The following SPRYD3 variants were observed in gnomAD, a reference collection of about 807,000 sequenced individuals.
SPRYD3 encodes the protein SPRY domain containing 3, also known as SPRY domain-containing protein 3.
A neutral mutation model predicts 50.1 loss-of-function variants in SPRYD3; 17 were observed. That is an observed-to-expected ratio of 0.34 (90% CI 0.23 to 0.51). The LOEUF is 0.51. Among genes scored for constraint, SPRYD3 ranks in the 20% least tolerant of loss-of-function variants. The pLI, the probability that SPRYD3 is intolerant of heterozygous loss-of-function variation, is 0.97. For synonymous variants in SPRYD3, 198 were observed against 215.5 expected (o/e 0.92, Z 0.71); for missense variants, 401 against 591.2 (o/e 0.68, Z 3.34).
Position 53,065,651 on chromosome 12 carries a change from C to T in SPRYD3, c.*181G>A, listed in dbSNP as rs1944497919. The T allele has an allele frequency of 7.9e-6, 5 of 635,970 alleles. No individual in the cohort carries two copies. The highest frequency in any genetic ancestry group is 2.8e-6 in the Non-Finnish European group (1 of 362,094). The allele number at this position is 635,970 out of a possible 1,614,324, so 39.4% of individuals were successfully genotyped here. On this transcript the variant is annotated 3_prime_UTR_variant, in exon 11 of 11. Transcript: ENST00000301463. ...CAGGCCCAGGGACTGACAACAGTGG[C>T]AGCACCAGGTCAGAAACGTGGGCAC... is the stretch of plus-strand genomic sequence containing the variant.
intron 2 of SPRYD3, 77 bp downstream of exon 2, chr12:53,077,038 A>G (rs1278143143): frequency 1.2e-5 from 18 of 1,464,398 alleles, no homozygotes; most frequent in Non-Finnish European, 2.8e-6. Context: ...AAAAAATAAA[A>G]GTTAAAAAAA....
intron 2 of SPRYD3, 37 bp from the exon 3 acceptor site, chr12:53,075,848 C>G (rs1944584142): frequency 2.5e-6 from 4 of 1,570,796 alleles, no homozygotes; most frequent in African/African-American, 2.7e-5. Context: ...CATTAGCAGC[C>G]TAGCCCAAGA....
chr12:53,078,349 C>T (rs948881610), intron 1 of SPRYD3, among the ~76,000 whole-genome samples: 1 of 151,594 alleles, frequency 6.6e-6, no homozygotes, highest in African/African-American at 2.4e-5. Flanking sequence ...ATTAGCCAGG[C>T]GTGGTGGTGC....
intron 2 of SPRYD3, among the ~76,000 whole-genome samples, 161 bp downstream of exon 2, chr12:53,076,954 A>G (rs572037065): frequency 6.6e-6 from 1 of 152,188 alleles, no homozygotes; most frequent in East Asian, 1.9e-4. Flanking sequence ...GTCTTAAAAA[A>G]AAAAAAGAAA....
At chr12:53,067,096 T>G (rs1592264115) in intron 8 of SPRYD3, among the ~76,000 whole-genome samples, 6 of 119,206 alleles carry the variant, frequency 5.0e-5, no homozygotes, top group Admixed American at 1.1e-4. Context: ...GGTGACAGAG[T>G]GAGACTCCAT....
chr12:53,065,927 CCTT>C lies in SPRYD3; in HGVS notation c.1231_1233del (p.Lys411del). The C allele has an allele frequency of 6.2e-7, 1 of 1,613,972 alleles. No individual in the cohort carries two copies. The highest frequency in any genetic ancestry group is 8.5e-7 in the Non-Finnish European group (1 of 1,179,884). On this transcript the variant is annotated inframe_deletion, in exon 11 of 11. Transcript: ENST00000301463. Reference sequence around the variant, plus strand: ...AAGCCTCCAGAAGGAACAACAGCATCCTTCTTCCCAATGATCTTGCCATTCCGA... The same window carrying C: ...AAGCCTCCAGAAGGAACAACAGCATCCTTCCCAATGATCTTGCCATTCCGA...
chr12:53,066,947 T>C (rs1261460575), intron 8 of SPRYD3, among the ~76,000 whole-genome samples: 3 of 151,952 alleles, frequency 2.0e-5, no homozygotes, highest in African/African-American at 7.3e-5. Flanking sequence ...ACATCTCTAC[T>C]AAAAATACAA....
In SPRYD3 at chr12:53,074,742, C is replaced by T; in HGVS notation, c.414G>A (p.Lys138=). The part of the protein sequence containing the change: ...GRAKGRQFGS[K]CNSGDRIGCG... ...AGCCAATCCGGTCCCCGGAGTTGCA[C>T]TTTGACCCAAACTGGCGGCCCTTGG... The change falls in exon 5 of 11, where the codon AAG becomes AAA. Residue 138 remains lysine (K), a synonymous_variant. Transcript: ENST00000301463. This position sits in a 1 kb window ranked among gnomAD's most constrained non-coding sequence, Gnocchi z 4.6. 1 of 1,614,288 alleles carries T rather than the reference C, an allele frequency of 6.2e-7. No individual in the cohort carries two copies. Among genetic ancestry groups the T allele is most frequent in the Non-Finnish European group, 8.5e-7 (1 of 1,180,054 alleles).
At chr12:53,067,750 CA>C (rs773307630) in intron 7 of SPRYD3, 45 bp from the exon 8 acceptor site, 1 of 1,571,902 alleles carries the variant, frequency 6.4e-7, no homozygotes, top group Non-Finnish European at 8.8e-7. Flanking sequence ...CATGCATAAA[CA>C]AGACAGGAGA....
At chr12:53,067,761 A>G in intron 7 of SPRYD3, 56 bp from the exon 8 acceptor site, 1 of 1,515,032 alleles carries the variant, frequency 6.6e-7, no homozygotes, top group African/African-American at 1.4e-5. Context: ...AAGACAGGAG[A>G]GAGTGGCGAG....
In SPRYD3 at chr12:53,077,170, C is replaced by T; in HGVS notation, c.115G>A (p.Ala39Thr). 1 of 1,614,222 alleles carries T rather than the reference C, an allele frequency of 6.2e-7. No individual in the cohort carries two copies. Among genetic ancestry groups the T allele is most frequent in the Non-Finnish European group, 8.5e-7 (1 of 1,180,040 alleles). Residue 39 changes from alanine (A) to threonine (T), a missense_variant, in exon 2 of 11, where the codon GCT becomes ACT. Coordinates refer to ENST00000301463, the MANE Select transcript of SPRYD3 (RefSeq NM_032840.3). ...TTGAACCTCTCCTGATATCGGAAAG[C>T]TCGGACCTCTCGAATCTCCCGGATC... ...RRIREIREVR[A>T]FRYQERFKHI...
intron 8 of SPRYD3, among the ~76,000 whole-genome samples, chr12:53,066,971 G>A (rs1209293166): frequency 6.6e-6 from 1 of 152,098 alleles, no homozygotes; most frequent in Non-Finnish European, 1.5e-5. Flanking sequence ...TTAGCTGGGC[G>A]TGGTGGCGCC....
rs1003329867 is a variant in SPRYD3, at chr12:53,075,654, A to G, written c.246+82T>C. The G allele has an allele frequency of 1.3e-5, 15 of 1,125,208 alleles. No individual in the cohort carries two copies. In the Admixed American group the frequency reaches 2.3e-4, roughly 17 times the overall value. The allele number at this position is 1,125,208 out of a possible 1,614,324, so 69.7% of individuals were successfully genotyped here. On this transcript the variant is annotated intron_variant, in intron 3 of 10. Transcript: ENST00000301463. ...GAAAATTAAAAGGCCCAGGTCATAC[A>G]TCTAGTAAAGGAGCTTCTTGGGGCT...
rs1054277201 is a variant in SPRYD3 at position 53,073,391 on chromosome 12, C to A, written c.588G>T (p.Arg196=). ...VGMHSLGEEV[R]LHLNAELGRE... is the part of the protein sequence containing the mutation. ...GGCCCAGCTCAGCGTTGAGGTGCAG[C>A]CGCACCTCCTCACCCAGGGAGTGCA... The change falls in exon 6 of 11, where the codon CGG becomes CGT. Residue 196 remains arginine, a synonymous_variant. Coordinates refer to ENST00000301463, the MANE Select transcript of SPRYD3 (RefSeq NM_032840.3). 18 of 1,585,398 alleles carry A rather than the reference C, an allele frequency of 1.1e-5. No homozygotes were observed. Among genetic ancestry groups the A allele is most frequent in the Admixed American group, 1.8e-5 (1 of 55,428 alleles).
At chr12:53,076,002 C>T (rs1289656053) in intron 2 of SPRYD3, among the ~76,000 whole-genome samples, 191 bp from the exon 3 acceptor site, 1 of 152,234 alleles carries the variant, frequency 6.6e-6, no homozygotes, top group African/African-American at 2.4e-5. Flanking sequence ...TCGCAGCCTC[C>T]AGCTGGAATC....
chr12:53,073,155 T>C (rs1453991826), intron 6 of SPRYD3, 131 bp downstream of exon 6: 6 of 605,936 alleles, frequency 9.9e-6, no homozygotes, highest in African/African-American at 3.7e-5. Flanking sequence ...GCCTAGGCTA[T>C]CTTGCCAAAC....
At chr12:53,073,661 G>A (rs988881897) in intron 5 of SPRYD3, among the ~76,000 whole-genome samples, 190 bp from the exon 6 acceptor site, 44 of 152,024 alleles carry the variant, frequency 2.9e-4, no homozygotes, top group African/African-American at 8.9e-4. Context: ...TGGCTAACAC[G>A]GTGAAACCCC....
At chr12:53,066,837 GC>G in intron 8 of SPRYD3, 145 bp from the exon 9 acceptor site, 1 of 1,087,660 alleles carries the variant, frequency 9.2e-7, no homozygotes, top group Admixed American at 3.0e-5. Flanking sequence ...GAGAGGCCGG[GC>G]GCGGTGGCTC....
chr12:53,073,260 C>CGGGGGGGGGGGGGGGGGGG, intron 6 of SPRYD3, 26 bp downstream of exon 6: 6 of 416,296 alleles, frequency 1.4e-5, no homozygotes, highest in Non-Finnish European at 1.8e-5. Flanking sequence ...GACCCAGCCC[C>CGGGGGGGGGGGGGGGGGGG]TCCCACCCTC....
Sources: gnomAD v4.1 joint callset for allele counts (sites outside exome capture counted in the v4.1 genomes callset) on GRCh38, gnomAD v4.1.1 for gene constraint, Gnocchi (gnomAD v3.1) non-coding constraint, MANE v1.5 for transcripts, NCBI Gene and HGNC (gene_info 2026-07-23, HGNC 2026-07-21) for gene names.